Variants in TMEM45A observed in about 807,000 individuals in gnomAD.
TMEM45A encodes the protein transmembrane protein 45A.
In TMEM45A, 25 loss-of-function variants were observed where a neutral mutation model predicts 32.0. The observed-to-expected ratio is 0.78, with a 90% CI of 0.57 to 1.09. The LOEUF is 1.09. TMEM45A is among the 50% of genes least tolerant of loss of function. The pLI is 0.00. For synonymous variants in TMEM45A, 122 were observed against 114.8 expected, an observed-to-expected ratio of 1.06 and a Z score of -0.40; for missense variants, 302 against 325.0, an observed-to-expected ratio of 0.93 and a Z score of 0.54.
At chr3:100,501,413 G>C (rs188277773) in intron 1 of TMEM45A, among the ~76,000 whole-genome samples, 82 of 152,322 alleles carry the variant, frequency 5.4e-4, no homozygotes, top group African/African-American at 1.7e-3. Flanking sequence ...TGAGAACCAT[G>C]GATCTAGTGG....
chr3:100,576,158 T>TA (rs980270225), intron 5 of TMEM45A, among the ~76,000 whole-genome samples: 6 of 151,550 alleles, frequency 4.0e-5, no homozygotes, highest in Non-Finnish European at 8.8e-5. Flanking sequence ...ACTAAAAATA[T>TA]AAAAAAAATT....
At chr3:100,542,195 CCTTGGTAG>C (rs1405930608) in intron 1 of TMEM45A, among the ~76,000 whole-genome samples, 1 of 152,018 alleles carries the variant, frequency 6.6e-6, no homozygotes, top group Non-Finnish European at 1.5e-5. Flanking sequence ...TAAAAAATGA[CCTTGGTAG>C]CTTGATAGGA....
rs1261346980 is a variant in TMEM45A at position 100,555,300 on chromosome 3, T to G, written c.89T>G (p.Ile30Ser). 2.5e-6 allele frequency: 4 copies of G among 1,614,050 alleles called. No individual in the cohort carries two copies. Among genetic ancestry groups the G allele is most frequent in the Non-Finnish European group, 3.4e-6 (4 of 1,179,960 alleles). ...TGTACAAAGAGTATTCTGAAGTATA[T>G]CTGCAAAAAGCAAAAGCGAACCTGC... is the stretch of plus-strand genomic sequence containing the variant. ...WWCTKSILKYICKKQKRTCYL... is the reference protein window; with the variant it reads ...WWCTKSILKYSCKKQKRTCYL... The change falls in exon 2 of 6, where the codon ATC becomes AGC. Residue 30 changes from isoleucine (I) to serine (S), a missense_variant. By Grantham distance (142) the Ile-to-Ser change is moderately radical. Coordinates refer to ENST00000323523, the MANE Select transcript of TMEM45A (RefSeq NM_018004.3).
chr3:100,566,324 G>A (rs1191730106), intron 4 of TMEM45A, among the ~76,000 whole-genome samples: 8 of 152,028 alleles, frequency 5.3e-5, no homozygotes, highest in African/African-American at 1.9e-4. Context: ...AACTTCCTGA[G>A]GAATTGCAAA....
chr3:100,544,103 G>C (rs1705939273), intron 1 of TMEM45A, among the ~76,000 whole-genome samples: 1 of 151,856 alleles, frequency 6.6e-6, no homozygotes, highest in African/African-American at 2.4e-5. Context: ...ATTATACAAG[G>C]TAGATTTATT....
chr3:100,525,128 C>T (rs1342622134), intron 1 of TMEM45A, among the ~76,000 whole-genome samples: 4 of 151,826 alleles, frequency 2.6e-5, no homozygotes, highest in African/African-American at 9.7e-5. Context: ...TTTGAGACTG[C>T]AGTGAGCTAT....
intron 5 of TMEM45A, 73 bp from the exon 6 acceptor site, chr3:100,576,852 A>C: frequency 9.1e-7 from 1 of 1,097,476 alleles, no homozygotes; most frequent in Non-Finnish European, 1.4e-6. Flanking sequence ...ACTTTGTGGT[A>C]TAATGGGTGC....
At chr3:100,567,451 T>A (rs1350248466) in intron 4 of TMEM45A, among the ~76,000 whole-genome samples, 1 of 150,710 alleles carries the variant, frequency 6.6e-6, no homozygotes, top group Non-Finnish European at 1.5e-5. Flanking sequence ...TTTTTTAAGG[T>A]TGTTTTGGTT....
chr3:100,497,964 A>G (rs1707954240), intron 1 of TMEM45A, among the ~76,000 whole-genome samples: 1 of 152,204 alleles, frequency 6.6e-6, no homozygotes, highest in African/African-American at 2.4e-5. Context: ...GTCCCCACCC[A>G]AACCTCATCT....
chr3:100,502,426 A>G (rs1022435052), intron 1 of TMEM45A, among the ~76,000 whole-genome samples: 3 of 152,200 alleles, frequency 2.0e-5, no homozygotes, highest in Non-Finnish European at 4.4e-5. Context: ...TAAGAAATGC[A>G]TTTAGAAAAG....
At chr3:100,556,209 G>C (rs973166166) in intron 2 of TMEM45A, among the ~76,000 whole-genome samples, 11 of 152,156 alleles carry the variant, frequency 7.2e-5, no homozygotes, top group African/African-American at 2.7e-4. Flanking sequence ...GCGAACTCCT[G>C]ACCTCCAGTG....
chr3:100,512,385 A>G (rs1255153754), intron 1 of TMEM45A, among the ~76,000 whole-genome samples: 1 of 152,218 alleles, frequency 6.6e-6, no homozygotes, highest in Admixed American at 6.5e-5. Flanking sequence ...CTGGGTACAT[A>G]ACGAAATGAA....
At chr3:100,508,616 A>G (rs1171554828) in intron 1 of TMEM45A, among the ~76,000 whole-genome samples, 5 of 152,212 alleles carry the variant, frequency 3.3e-5, no homozygotes, top group Non-Finnish European at 1.5e-5. Flanking sequence ...ACAGACACAT[A>G]GAGAAGTGGA....
rs183127213 is a variant in TMEM45A, at chr3:100,549,352, C to T, written c.-3-5857C>T. On this transcript the variant is annotated intron_variant, in intron 1 of 5. Transcript: ENST00000323523. Reference sequence around the variant, plus strand: ...TTATCTTCTTATGCCTTACAGAACACGATCTATTATGTTACTGCTGCTCTA... The same window carrying T: ...TTATCTTCTTATGCCTTACAGAACATGATCTATTATGTTACTGCTGCTCTA... Among the ~76,000 whole-genome samples, 183 of 152,296 alleles carry T rather than the reference C, an allele frequency of 1.2e-3. 1 individual carries two copies. Among genetic ancestry groups the T allele is most frequent in the African/African-American group, 4.2e-3 (174 of 41,562 alleles).
intron 1 of TMEM45A, among the ~76,000 whole-genome samples, chr3:100,493,611 T>C (rs1301514166): frequency 6.6e-6 from 1 of 151,832 alleles, no homozygotes; most frequent in Non-Finnish European, 1.5e-5. Context: ...ATATATGCAC[T>C]ATATAGTATG....
chr3:100,558,419 A>C lies in TMEM45A; in HGVS notation c.418A>C (p.Asn140His). The stretch of plus-strand genomic sequence containing the variant: ...TTCCCCATCAGCCTTTATCTTCTAC[A>C]ACCACACTCATGGCCGGGAAATGCT... ...ALFVEAFIFYNHTHGREMLDI... is the reference protein window; with the variant it reads ...ALFVEAFIFYHHTHGREMLDI... The change falls in exon 4 of 6, where the codon AAC becomes CAC. Residue 140 changes from asparagine to histidine, a missense_variant. Asn to His is a moderately conservative substitution (Grantham distance 68). Transcript: ENST00000323523. The C allele has an allele frequency of 6.2e-7, 1 of 1,613,486 alleles. No individual in the cohort carries two copies. The highest frequency in any genetic ancestry group is 2.2e-5 in the East Asian group (1 of 44,886).
At chr3:100,568,039 C>T (rs755852030) in intron 4 of TMEM45A, among the ~76,000 whole-genome samples, 1 of 152,182 alleles carries the variant, frequency 6.6e-6, no homozygotes, top group African/African-American at 2.4e-5. Context: ...CCCACCTCGG[C>T]CTCCCAAAGT....
chr3:100,513,928 A>G (rs1393460626), intron 1 of TMEM45A, among the ~76,000 whole-genome samples: 2 of 152,174 alleles, frequency 1.3e-5, no homozygotes, highest in Admixed American at 1.3e-4. Context: ...AGGGATGTGA[A>G]GGACCTCTTC....
At chr3:100,499,029 C>A (rs1171233038) in intron 1 of TMEM45A, among the ~76,000 whole-genome samples, 2 of 152,012 alleles carry the variant, frequency 1.3e-5, no homozygotes, top group East Asian at 3.9e-4. Context: ...AAATCTTTTG[C>A]CCATTTTAAA....
Sources: allele counts gnomAD v4.1 joint callset (sites outside exome capture counted in the v4.1 genomes callset), GRCh38; gene constraint gnomAD v4.1.1; transcripts MANE v1.5; gene names NCBI Gene and HGNC (gene_info 2026-07-23, HGNC 2026-07-21).